RBFOX3: variants seen among roughly 807,000 people sequenced by gnomAD.
RBFOX3 encodes the protein RNA binding protein fox-1 homolog 3.
Under a neutral mutation model 48.7 loss-of-function variants are expected in RBFOX3, and 17 were observed. The ratio of observed to expected loss-of-function variants is 0.35; its 90% CI spans 0.24 to 0.52. The LOEUF (loss-of-function observed/expected upper bound fraction) is 0.52. Ranked by LOEUF, RBFOX3 falls within the 20% of genes least tolerant of loss-of-function variation. The pLI, the probability that RBFOX3 is intolerant of heterozygous loss-of-function variation, is 0.94. For missense variants in RBFOX3, 382 were observed against 497.5 expected (o/e 0.77, Z 2.21); for synonymous variants, 212 against 209.5 (o/e 1.01, Z -0.10).
chr17:79,547,714 C>A (rs1354248418), intron 1 of RBFOX3, among the ~76,000 whole-genome samples: 1 of 152,230 alleles, frequency 6.6e-6, no homozygotes, highest in East Asian at 1.9e-4. Context: ...CGTCCAGCAC[C>A]TGCGGAGACC....
chr17:79,442,508 T>C (rs959790712), intron 2 of RBFOX3, among the ~76,000 whole-genome samples: 1 of 142,428 alleles, frequency 7.0e-6, no homozygotes, highest in Non-Finnish European at 1.6e-5. Context: ...GAGAGGCGTA[T>C]GGTAAGAGCT....
At chr17:79,656,919 A>AGGAAGGAAGGAAGGAAGG in the RBFOX3 span, among the ~76,000 whole-genome samples, 2 of 151,092 alleles carry the variant, frequency 1.3e-5, no homozygotes, top group African/African-American at 4.9e-5. Flanking sequence ...GAAGGAAGGA[A>AGGAAGGAAGGAAGGAAGG]AAGAAAAGAG....
At chr17:79,263,009 G>A (rs990830691) in intron 3 of RBFOX3, among the ~76,000 whole-genome samples, 8 of 152,108 alleles carry the variant, frequency 5.3e-5, no homozygotes, top group East Asian at 3.9e-4. Flanking sequence ...TGCCTCCCCC[G>A]GGAGAACTTG....
intron 2 of RBFOX3, among the ~76,000 whole-genome samples, chr17:79,463,531 T>G (rs1259265603): frequency 4.2e-5 from 2 of 47,354 alleles, no homozygotes; most frequent in African/African-American, 1.8e-4. Context: ...CCATCGCCAC[T>G]GCCACCTCCA....
Position 79,322,145 on chromosome 17 carries a change from G to A in RBFOX3, c.-174-14321C>T, listed in dbSNP as rs181810027. Among the ~76,000 whole-genome samples the A allele has an allele frequency of 3.3e-5, 5 of 152,316 alleles. No homozygotes were observed. The East Asian group carries it at 5.8e-4, about 18-fold the overall frequency. ...CCAGGAAAAAAGAGATGGGTGTGAT[G>A]AGGAGGGGCAAGAGGACTTGCAGGT... On this transcript the variant is annotated intron_variant, in intron 2 of 14. Transcript: ENST00000693108.
chr17:79,523,143 T>G (rs1599036234), intron 1 of RBFOX3, among the ~76,000 whole-genome samples: 2 of 146,736 alleles, frequency 1.4e-5, no homozygotes, highest in African/African-American at 2.5e-5. Context: ...GGGGGGCGGG[T>G]GGTTTGGGAG....
intron 2 of RBFOX3, among the ~76,000 whole-genome samples, chr17:79,378,522 C>T (rs933666769): frequency 3.3e-5 from 5 of 152,204 alleles, no homozygotes; most frequent in African/African-American, 2.4e-5. Flanking sequence ...CGTGGCCGCC[C>T]TTTTGGGATT....
At chr17:79,625,504 T>A in the RBFOX3 span, among the ~76,000 whole-genome samples, 2 of 152,130 alleles carry the variant, frequency 1.3e-5, no homozygotes, top group Non-Finnish European at 2.9e-5. Context: ...AATAAGTGAG[T>A]TTGGGGCCAG....
At chr17:79,441,475 C>T (rs1555734796) in intron 2 of RBFOX3, among the ~76,000 whole-genome samples, 2 of 152,150 alleles carry the variant, frequency 1.3e-5, no homozygotes, top group Admixed American at 1.3e-4. Context: ...GAGGTGGCCA[C>T]GTGAAGACAG....
At chr17:79,396,799 C>T (rs548834857) in intron 2 of RBFOX3, among the ~76,000 whole-genome samples, 4 of 152,338 alleles carry the variant, frequency 2.6e-5, no homozygotes, top group East Asian at 3.9e-4. Context: ...AAAAAGTTGT[C>T]CAGAATTCCC....
At position 79,162,069 on chromosome 17, in the gene RBFOX3, G is replaced by A. The variant is rs139789309; in HGVS notation, c.-33-46321C>T. On this transcript the variant is annotated intron_variant, in intron 4 of 14. Transcript: ENST00000693108. ...CCCCAGCTGCCCCTGCTGAGAATTG[G>A]GAGCCAGAAAAAGGAGGCCAAATCT... Among the ~76,000 whole-genome samples the A allele has an allele frequency of 6.9e-4, 105 of 152,236 alleles. No individual in the cohort carries two copies. In the East Asian group the frequency reaches 0.011, roughly 16 times the overall value.
chr17:79,472,667 C>T (rs999704546), intron 2 of RBFOX3, among the ~76,000 whole-genome samples: 3 of 152,216 alleles, frequency 2.0e-5, no homozygotes, highest in African/African-American at 7.2e-5. Context: ...TGTGAGCCCC[C>T]AGGCTGAGGG....
intron 4 of RBFOX3, among the ~76,000 whole-genome samples, chr17:79,194,083 A>T (rs2055051759): frequency 6.6e-6 from 1 of 152,216 alleles, no homozygotes; most frequent in Non-Finnish European, 1.5e-5. Flanking sequence ...TTCCTTGGAA[A>T]AAAATTTTGG....
intron 2 of RBFOX3, among the ~76,000 whole-genome samples, chr17:79,449,391 G>A (rs537017173): frequency 2.0e-5 from 3 of 151,570 alleles, no homozygotes; most frequent in Non-Finnish European, 2.9e-5. Context: ...TACAGTTCCC[G>A]GGTCCCCCTC....
At chr17:79,100,516 G>C (rs1227728654) in intron 9 of RBFOX3, 11 of 152,228 alleles carry the variant, frequency 7.2e-5, no homozygotes, top group Admixed American at 7.2e-4. Flanking sequence ...GAGCTCGGGG[G>C]AGAGGTGGCG....
intron 4 of RBFOX3, among the ~76,000 whole-genome samples, chr17:79,219,878 G>C (rs1312645196): frequency 6.6e-6 from 1 of 151,976 alleles, no homozygotes; most frequent in Non-Finnish European, 1.5e-5. Context: ...CTGAAGTTTG[G>C]GCTAGTGTAT....
intron 2 of RBFOX3, among the ~76,000 whole-genome samples, chr17:79,467,188 C>CG (rs1330999522): frequency 2.6e-5 from 4 of 151,974 alleles, no homozygotes; most frequent in Non-Finnish European, 4.4e-5. Flanking sequence ...CTGCTGCAGA[C>CG]GGGGGGTCCT....
chr17:79,420,174 CAAA>C (rs1555721369), intron 2 of RBFOX3, among the ~76,000 whole-genome samples: 2 of 79,676 alleles, frequency 2.5e-5, no homozygotes, highest in Non-Finnish European at 5.4e-5. Flanking sequence ...CACACACACA[CAAA>C]AGATGGTTAA....
rs2061488043 is a variant in RBFOX3 at position 79,392,543 on chromosome 17, C to T, written c.-174-84719G>A. On this transcript the variant is annotated intron_variant, in intron 2 of 14. Coordinates refer to ENST00000693108, the MANE Select transcript of RBFOX3 (RefSeq NM_001350451.2). The surrounding 1 kb of genome is among the most constrained non-coding windows in gnomAD (Gnocchi z 5.0). ...TGGAGCCACGGGGAGCTGCCCTTCC[C>T]ACCCACTTAAGTTAGGCACCATCCC... 6.6e-6 allele frequency among the ~76,000 whole-genome samples: 1 copy of T among 152,180 alleles called. No individual in the cohort carries two copies. Among genetic ancestry groups the T allele is most frequent in the African/African-American group, 2.4e-5 (1 of 41,432 alleles).
Sources: allele counts gnomAD v4.1 joint callset (sites outside exome capture counted in the v4.1 genomes callset), GRCh38; gene constraint gnomAD v4.1.1; non-coding constraint Gnocchi (gnomAD v3.1); transcripts MANE v1.5; gene names NCBI Gene and HGNC (gene_info 2026-07-23, HGNC 2026-07-21).